Variants in PPP2R5E observed in about 807,000 individuals in gnomAD.
PPP2R5E encodes serine/threonine-protein phosphatase 2A 56 kDa regulatory subunit epsilon isoform.
PPP2R5E carries 4 observed loss-of-function variants against 65.3 expected under a neutral mutation model. That is an observed-to-expected ratio of 0.06 (90% CI 0.03 to 0.14). The LOEUF (loss-of-function observed/expected upper bound fraction) is 0.14, where lower values mean the gene tolerates loss of function less well. PPP2R5E is among the 10% of genes least tolerant of loss of function. The pLI, the probability that PPP2R5E is intolerant of heterozygous loss-of-function variation, is 1.00. For missense variants in PPP2R5E, 274 were observed against 556.1 expected (o/e 0.49, Z 5.10); for synonymous variants, 183 against 187.4 (o/e 0.98, Z 0.19).
In PPP2R5E at chr14:63,502,416, G is replaced by A. The variant is rs997527919; in HGVS notation, c.157+37113C>T. On this transcript the variant is annotated intron_variant, in intron 2 of 13. Coordinates refer to ENST00000337537, the MANE Select transcript of PPP2R5E (RefSeq NM_006246.5). ...CACTTGCCAGGATGCAGTGGCTCAC[G>A]CCTGTAATCCCAGAACTTTAGGAGG... Among the ~76,000 whole-genome samples the A allele has an allele frequency of 5.3e-5, 8 of 152,106 alleles. No individual in the cohort carries two copies. The South Asian group carries it at 1.0e-3, about 20-fold the overall frequency.
At chr14:63,402,678 T>C (rs1325978335) in intron 5 of PPP2R5E, among the ~76,000 whole-genome samples, 1 of 151,988 alleles carries the variant, frequency 6.6e-6, no homozygotes, top group Non-Finnish European at 1.5e-5. Context: ...CACTAGAACA[T>C]TAAAATGAGC....
At chr14:63,444,540 A>G (rs1020270094) in intron 3 of PPP2R5E, among the ~76,000 whole-genome samples, 5 of 152,222 alleles carry the variant, frequency 3.3e-5, no homozygotes, top group African/African-American at 1.2e-4. Context: ...AGAATTAACT[A>G]AAACAATGTC....
chr14:63,503,560 A>C (rs1892007221), intron 2 of PPP2R5E, among the ~76,000 whole-genome samples: 1 of 152,182 alleles, frequency 6.6e-6, no homozygotes. Flanking sequence ...GAGGTAACAT[A>C]AGGCAAGCAG....
intron 4 of PPP2R5E, among the ~76,000 whole-genome samples, chr14:63,418,165 T>TTCTCTCTGAGAATTC: frequency 6.6e-6 from 1 of 152,298 alleles, no homozygotes. Context: ...CCTCAGAGAA[T>TTCTCTCTGAGAATTC]TGTTCCTTTT....
chr14:63,484,583 T>C (rs1890891068), intron 2 of PPP2R5E, among the ~76,000 whole-genome samples: 1 of 152,124 alleles, frequency 6.6e-6, no homozygotes, highest in Non-Finnish European at 1.5e-5. Context: ...AGAACGAGGC[T>C]ATTACAGATA....
At chr14:63,376,391 G>A (rs1186982005) in intron 13 of PPP2R5E, among the ~76,000 whole-genome samples, 1 of 152,260 alleles carries the variant, frequency 6.6e-6, no homozygotes, top group South Asian at 2.1e-4. Flanking sequence ...CACTGATACA[G>A]AGAATATAGT....
At chr14:63,453,981 AT>A in intron 2 of PPP2R5E, 96 bp from the exon 3 acceptor site, 1 of 976,756 alleles carries the variant, frequency 1.0e-6, no homozygotes, top group South Asian at 2.2e-5. Context: ...CTAAAAAAAA[AT>A]AAGAATTCAC....
intron 2 of PPP2R5E, among the ~76,000 whole-genome samples, chr14:63,516,443 A>T (rs1892675335): frequency 6.6e-6 from 1 of 152,246 alleles, no homozygotes; most frequent in African/African-American, 2.4e-5. Context: ...AAGTTCACAG[A>T]TGAAGAAAAA....
intron 2 of PPP2R5E, among the ~76,000 whole-genome samples, chr14:63,499,313 G>T (rs1891735417): frequency 6.6e-6 from 1 of 152,178 alleles, no homozygotes; most frequent in African/African-American, 2.4e-5. Context: ...TCATAAAATA[G>T]CCACCTCACT....
intron 2 of PPP2R5E, chr14:63,508,303 G>C: frequency 1.4e-6 from 1 of 723,266 alleles, no homozygotes; most frequent in Non-Finnish European, 1.7e-6. Flanking sequence ...CCCTCTGCCT[G>C]TCACTCTTTG....
rs1032482049 is a variant in PPP2R5E, at chr14:63,505,488, G to T, written c.157+34041C>A. On this transcript the variant is annotated intron_variant, in intron 2 of 13. Coordinates refer to ENST00000337537, the MANE Select transcript of PPP2R5E (RefSeq NM_006246.5). Reference sequence around the variant, plus strand: ...AACCTGCTCACACACTGAACACTTCGCCATTCACTCTGCTCTCCCCACCCC... The same window carrying T: ...AACCTGCTCACACACTGAACACTTCTCCATTCACTCTGCTCTCCCCACCCC... 2.6e-5 allele frequency among the ~76,000 whole-genome samples: 4 copies of T among 152,086 alleles called. No homozygotes were observed. The South Asian group carries it at 8.3e-4, about 32-fold the overall frequency.
In PPP2R5E at chr14:63,446,552, G is replaced by A. The variant is rs540988635; in HGVS notation, c.354+7137C>T. The stretch of plus-strand genomic sequence containing the variant: ...GCAGGCATGAAAACAACATTCGGCC[G>A]GGCACGGTGGCTCACGCCTGTAATT... On this transcript the variant is annotated intron_variant, in intron 3 of 13. Transcript: ENST00000337537. 5.3e-5 allele frequency among the ~76,000 whole-genome samples: 8 copies of A among 152,164 alleles called. No homozygotes were observed. The South Asian group carries it at 8.3e-4, about 16-fold the overall frequency.
At chr14:63,530,345 GC>G (rs1361002109) in intron 2 of PPP2R5E, among the ~76,000 whole-genome samples, 2 of 144,444 alleles carry the variant, frequency 1.4e-5, no homozygotes, top group Non-Finnish European at 3.0e-5. Context: ...CGATTCTCCT[GC>G]CTCAGCCTCC....
rs571123954 is a variant in PPP2R5E at position 63,401,868 on chromosome 14, C to T, written c.550-5152G>A. Among the ~76,000 whole-genome samples, 71 of 152,268 alleles carry T rather than the reference C, an allele frequency of 4.7e-4. 1 individual carries two copies. The highest frequency in any genetic ancestry group is 4.5e-3 in the Admixed American group (69 of 15,298). On this transcript the variant is annotated intron_variant, in intron 5 of 13. Transcript: ENST00000337537. The stretch of plus-strand genomic sequence containing the variant: ...AGCCAACGAGAAGCAGGCCAGTTCA[C>T]ACCACGGAACCCTTACAAGGCTTAA...
chr14:63,390,800 T>C (rs954266467), intron 10 of PPP2R5E, among the ~76,000 whole-genome samples: 13 of 152,210 alleles, frequency 8.5e-5, no homozygotes, highest in African/African-American at 3.1e-4. Context: ...GATCTTTTTT[T>C]CTGAGCCATT....
At chr14:63,419,614 G>A (rs997134905) in intron 4 of PPP2R5E, among the ~76,000 whole-genome samples, 1 of 142,876 alleles carries the variant, frequency 7.0e-6, no homozygotes, top group African/African-American at 2.5e-5. Context: ...GACCAAGTCA[G>A]GAGCCTTGGT....
intron 8 of PPP2R5E, among the ~76,000 whole-genome samples, chr14:63,393,101 G>A (rs1380000922): frequency 2.6e-5 from 4 of 152,028 alleles, no homozygotes; most frequent in African/African-American, 9.7e-5. Flanking sequence ...TAGAACAGGA[G>A]GCAAAAAGGG....
At chr14:63,463,360 T>A (rs1213803233) in intron 2 of PPP2R5E, among the ~76,000 whole-genome samples, 1 of 151,342 alleles carries the variant, frequency 6.6e-6, no homozygotes, top group Non-Finnish European at 1.5e-5. Context: ...CAGGATGGTA[T>A]CGAACTCCTG....
intron 2 of PPP2R5E, among the ~76,000 whole-genome samples, chr14:63,476,598 T>C (rs757199907): frequency 6.6e-5 from 10 of 152,128 alleles, no homozygotes; most frequent in Non-Finnish European, 1.5e-4. Flanking sequence ...AATCAGACTC[T>C]ACTGTCCACC....
Sources: gnomAD v4.1 joint callset for allele counts (sites outside exome capture counted in the v4.1 genomes callset) on GRCh38, gnomAD v4.1.1 for gene constraint, MANE v1.5 for transcripts, NCBI Gene and HGNC (gene_info 2026-07-23, HGNC 2026-07-21) for gene names.